The following CTDSPL variants were observed in gnomAD, a reference collection of about 807,000 sequenced individuals.
CTDSPL encodes CTD small phosphatase-like protein.
A neutral mutation model predicts 30.5 loss-of-function variants in CTDSPL; 8 were observed. The observed-to-expected ratio is 0.26, with a 90% CI of 0.15 to 0.47. The LOEUF is 0.47. Ranked by LOEUF, CTDSPL falls within the 20% of genes least tolerant of loss-of-function variation. The pLI is 0.99. For missense variants in CTDSPL, 248 were observed against 366.1 expected (o/e 0.68, Z 2.63); for synonymous variants, 110 against 137.9 (o/e 0.80, Z 1.42).
At chr3:37,887,237 G>A (rs537785935) in intron 1 of CTDSPL, among the ~76,000 whole-genome samples, 96 of 152,266 alleles carry the variant, frequency 6.3e-4, no homozygotes, top group Middle Eastern at 3.4e-3. Context: ...GAAACGCTCC[G>A]TTTGTCAAGG....
chr3:37,941,546 C>T (rs867086478), intron 1 of CTDSPL, among the ~76,000 whole-genome samples: 7 of 149,292 alleles, frequency 4.7e-5, no homozygotes, highest in Non-Finnish European at 7.5e-5. Flanking sequence ...CCCGCCACCA[C>T]ACTCCGCTAA....
Position 37,862,415 on chromosome 3 carries a change from C to G in CTDSPL, c.79+137C>G. ...AGGGTGCGTGGGTGTGGGGTGCGCC[C>G]GGAGGAGAGCGAGGCTGCCAGAGTG... is the stretch of plus-strand genomic sequence containing the variant. On this transcript the variant is annotated intron_variant, in intron 1 of 7. Transcript: ENST00000273179. This position sits in a 1 kb window ranked among gnomAD's most constrained non-coding sequence, Gnocchi z 4.3. 1.7e-6 allele frequency: 1 copy of G among 598,158 alleles called. No individual in the cohort carries two copies. The highest frequency in any genetic ancestry group is 2.4e-6 in the Non-Finnish European group (1 of 413,208). The allele number at this position is 598,158 out of a possible 1,614,324, so 37.1% of individuals were successfully genotyped here. A position where few individuals can be genotyped will look rare whatever the true frequency, so the allele number is the denominator to read the frequency against.
intron 1 of CTDSPL, among the ~76,000 whole-genome samples, chr3:37,907,300 G>T (rs1406758247): frequency 1.3e-5 from 2 of 152,134 alleles, no homozygotes; most frequent in Admixed American, 1.3e-4. Flanking sequence ...TAGGTCTAAG[G>T]GAGGAGAATG....
chr3:37,868,372 A>C (rs1393090408), intron 1 of CTDSPL, among the ~76,000 whole-genome samples: 3 of 152,012 alleles, frequency 2.0e-5, no homozygotes, highest in Non-Finnish European at 4.4e-5. Context: ...TTGGCTTTTC[A>C]TCCTCTAAAG....
At chr3:37,939,485 A>C (rs1470022680) in intron 1 of CTDSPL, among the ~76,000 whole-genome samples, 2 of 150,412 alleles carry the variant, frequency 1.3e-5, no homozygotes, top group Non-Finnish European at 3.0e-5. Flanking sequence ...ATTTGCAGAT[A>C]TCCTGGATCT....
rs142474922 is a variant in CTDSPL at position 37,943,003 on chromosome 3, G to T, written c.80-4054G>T. Among the ~76,000 whole-genome samples the T allele has an allele frequency of 3.3e-3, 502 of 150,540 alleles. 15 individuals carry two copies. Among genetic ancestry groups the T allele is most frequent in the African/African-American group, 0.012 (488 of 41,412 alleles). ...CTGAGCCAGGATAGGGCAGGGACAAGGAGTTGCTAAGGATATATTTAAGAA... is the reference window on the plus strand; with the variant it reads ...CTGAGCCAGGATAGGGCAGGGACAATGAGTTGCTAAGGATATATTTAAGAA... On this transcript the variant is annotated intron_variant, in intron 1 of 7. Coordinates refer to ENST00000273179, the MANE Select transcript of CTDSPL (RefSeq NM_001008392.2).
intron 1 of CTDSPL, among the ~76,000 whole-genome samples, chr3:37,902,167 G>A (rs1386245783): frequency 6.6e-6 from 1 of 152,234 alleles, no homozygotes; most frequent in Non-Finnish European, 1.5e-5. Context: ...CTTTAGGTGG[G>A]CACATTGCCA....
At chr3:37,904,898 TC>T (rs1357010924) in intron 1 of CTDSPL, among the ~76,000 whole-genome samples, 1 of 152,198 alleles carries the variant, frequency 6.6e-6, no homozygotes. Context: ...ACCCTGTCCA[TC>T]TTTCCAAGTA....
chr3:37,879,865 T>C (rs996342110), intron 1 of CTDSPL, among the ~76,000 whole-genome samples: 1 of 152,022 alleles, frequency 6.6e-6, no homozygotes, highest in Non-Finnish European at 1.5e-5. Context: ...ATTTTATGTA[T>C]ACATATATAG....
Position 37,981,001 on chromosome 3 carries a change from C to A in CTDSPL, c.*134C>A. The A allele has an allele frequency of 9.6e-7, 1 of 1,042,140 alleles. No individual in the cohort carries two copies. Among genetic ancestry groups the A allele is most frequent in the African/African-American group, 1.6e-5 (1 of 61,662 alleles). 64.6% of individuals were successfully genotyped at this position (1,042,140 alleles called of 1,614,324 possible). A position where few individuals can be genotyped will look rare whatever the true frequency, so the allele number is the denominator to read the frequency against. On this transcript the variant is annotated 3_prime_UTR_variant, in exon 8 of 8. Transcript: ENST00000273179. ...AGGCCACAGGGTGAATGTGGCCATG[C>A]CTACCTGTTTTGTTTTTTTAAGAAC...
At chr3:37,890,363 G>A (rs1698311061) in intron 1 of CTDSPL, among the ~76,000 whole-genome samples, 6 of 152,206 alleles carry the variant, frequency 3.9e-5, no homozygotes, top group Admixed American at 3.9e-4. Flanking sequence ...ATATGTAAGG[G>A]AAGGGAAAAT....
Position 37,931,558 on chromosome 3 carries a change from A to G in CTDSPL, c.80-15499A>G, listed in dbSNP as rs186630167. 1.1e-3 allele frequency among the ~76,000 whole-genome samples: 168 copies of G among 152,086 alleles called. 1 individual carries two copies. Among genetic ancestry groups the G allele is most frequent in the African/African-American group, 3.9e-3 (161 of 41,476 alleles). ...ATTGCCATTTTGTTAACTGTTTTCTATTTATCTTACAGTTCTTTTGTTCTT... is the reference window on the plus strand; with the variant it reads ...ATTGCCATTTTGTTAACTGTTTTCTGTTTATCTTACAGTTCTTTTGTTCTT... On this transcript the variant is annotated intron_variant, in intron 1 of 7. Coordinates refer to ENST00000273179, the MANE Select transcript of CTDSPL (RefSeq NM_001008392.2).
chr3:37,865,387 A>G (rs1278153509), intron 1 of CTDSPL, among the ~76,000 whole-genome samples: 1 of 152,202 alleles, frequency 6.6e-6, no homozygotes, highest in Non-Finnish European at 1.5e-5. Flanking sequence ...TTCATGTGAA[A>G]CCTTTTCATG....
intron 1 of CTDSPL, among the ~76,000 whole-genome samples, chr3:37,871,966 G>C (rs944845679): frequency 1.3e-5 from 2 of 151,858 alleles, no homozygotes; most frequent in Non-Finnish European, 2.9e-5. Flanking sequence ...TTTCCATTTG[G>C]TTTTTCTTTA....
intron 1 of CTDSPL, among the ~76,000 whole-genome samples, chr3:37,927,636 A>ATGTGTGTGTGTGTGTG (rs71094932): frequency 1.7e-5 from 2 of 115,782 alleles, no homozygotes; most frequent in African/African-American, 7.5e-5. Flanking sequence ...AGAAAAATAT[A>ATGTGTGTGTGTGTGTG]TGTGTGTGTG....
At position 37,871,416 on chromosome 3, in the gene CTDSPL, A is replaced by G. The variant is rs544893685; in HGVS notation, c.79+9138A>G. 3.9e-5 allele frequency among the ~76,000 whole-genome samples: 6 copies of G among 152,360 alleles called. No individual in the cohort carries two copies. The South Asian group carries it at 1.0e-3, about 26-fold the overall frequency. On this transcript the variant is annotated intron_variant, in intron 1 of 7. Coordinates refer to ENST00000273179, the MANE Select transcript of CTDSPL (RefSeq NM_001008392.2). ...CCTTATGAATAAAGCTACTATAAAC[A>G]TATGTGTGCAGGTCTTTGTGTAGAT... is the stretch of plus-strand genomic sequence containing the variant.
chr3:37,910,994 T>C (rs1380475067), intron 1 of CTDSPL, among the ~76,000 whole-genome samples: 1 of 152,232 alleles, frequency 6.6e-6, no homozygotes, highest in Non-Finnish European at 1.5e-5. Context: ...GGTTTATGAC[T>C]GTAAATGGAT....
intron 1 of CTDSPL, among the ~76,000 whole-genome samples, chr3:37,867,413 A>G (rs541420031): frequency 6.6e-5 from 10 of 152,356 alleles, no homozygotes; most frequent in South Asian, 4.1e-4. Flanking sequence ...TAAAGCTGCA[A>G]TAAACATTGG....
chr3:37,883,922 AG>A (rs913013284), intron 1 of CTDSPL, among the ~76,000 whole-genome samples: 13 of 152,340 alleles, frequency 8.5e-5, no homozygotes, highest in Admixed American at 6.5e-5. Flanking sequence ...AATCTATAAC[AG>A]TGTCTTCTTT....
Sources: allele counts gnomAD v4.1 joint callset (sites outside exome capture counted in the v4.1 genomes callset), GRCh38; gene constraint gnomAD v4.1.1; non-coding constraint Gnocchi (gnomAD v3.1); transcripts MANE v1.5; gene names NCBI Gene and HGNC (gene_info 2026-07-23, HGNC 2026-07-21).